AFG2A: variants seen among roughly 807,000 people sequenced by gnomAD.
AFG2A encodes the protein ATPase family gene 2 protein homolog A.
At chr4:123,236,055 G>T in the AFG2A span, among the ~76,000 whole-genome samples, 1 of 152,100 alleles carries the variant, frequency 6.6e-6, no homozygotes, top group African/African-American at 2.4e-5. Flanking sequence ...TTAGTACATA[G>T]ATACCTAGGA....
chr4:123,049,453 A>G, the AFG2A span, among the ~76,000 whole-genome samples: 1 of 152,300 alleles, frequency 6.6e-6, no homozygotes, highest in Non-Finnish European at 1.5e-5. Flanking sequence ...AATGTTTGGT[A>G]GAATTCAGCA....
chr4:122,929,160 G>A, the AFG2A span: 2 of 1,611,906 alleles, frequency 1.2e-6, no homozygotes, highest in South Asian at 2.2e-5. Context: ...TCTTGTGGGT[G>A]CTGTGCTACA....
At chr4:123,047,918 T>C in the AFG2A span, among the ~76,000 whole-genome samples, 1 of 152,082 alleles carries the variant, frequency 6.6e-6, no homozygotes, top group African/African-American at 2.4e-5. Context: ...TTGCGCAGGC[T>C]CAAACTTCTG....
At chr4:122,992,632 A>G in the AFG2A span, among the ~76,000 whole-genome samples, 1 of 152,226 alleles carries the variant, frequency 6.6e-6, no homozygotes, top group African/African-American at 2.4e-5. Context: ...TTTAGTGCAT[A>G]AAGTTAAAAT....
the AFG2A span, among the ~76,000 whole-genome samples, chr4:123,312,921 CAG>C: frequency 6.6e-6 from 1 of 152,190 alleles, no homozygotes; most frequent in Non-Finnish European, 1.5e-5. Context: ...AGTGAACAAA[CAG>C]AGAAAATACG....
chr4:123,202,710 T>C, the AFG2A span, among the ~76,000 whole-genome samples: 1 of 152,250 alleles, frequency 6.6e-6, no homozygotes, highest in Non-Finnish European at 1.5e-5. Context: ...TACAGATTCA[T>C]ATAATCACTA....
chr4:122,990,586 AT>A, the AFG2A span, among the ~76,000 whole-genome samples: 46 of 148,190 alleles, frequency 3.1e-4, no homozygotes, highest in East Asian at 9.8e-4. Flanking sequence ...TTTGTTTTCA[AT>A]TTTTTTTTTT....
the AFG2A span, among the ~76,000 whole-genome samples, chr4:123,213,508 A>G: frequency 1.3e-5 from 2 of 152,322 alleles, no homozygotes; most frequent in Non-Finnish European, 2.9e-5. Context: ...ACCTCTGAGC[A>G]TAGCACACAT....
chr4:123,153,562 A>G, the AFG2A span, among the ~76,000 whole-genome samples: 1 of 151,878 alleles, frequency 6.6e-6, no homozygotes, highest in Non-Finnish European at 1.5e-5. Flanking sequence ...CACTACAGAT[A>G]TTATGATAGT....
chr4:123,079,821 C>G, the AFG2A span, among the ~76,000 whole-genome samples: 1 of 134,358 alleles, frequency 7.4e-6, no homozygotes, highest in South Asian at 2.4e-4. Context: ...GAGGTCTCAG[C>G]TCACTGCAAC....
the AFG2A span, among the ~76,000 whole-genome samples, chr4:122,931,481 C>T: frequency 5.3e-5 from 8 of 152,066 alleles, no homozygotes; most frequent in African/African-American, 7.2e-5. Flanking sequence ...GCAACACACA[C>T]AATATATGTA....
chr4:123,196,167 ATTT>A, the AFG2A span, among the ~76,000 whole-genome samples: 10 of 79,678 alleles, frequency 1.3e-4, no homozygotes, highest in South Asian at 9.8e-4. Flanking sequence ...TGCCCAGCTA[ATTT>A]TTTTTTTTTT....
chr4:123,241,584 C>G, the AFG2A span, among the ~76,000 whole-genome samples: 3,131 of 152,210 alleles, frequency 0.021, 99 homozygotes, highest in African/African-American at 0.071. Context: ...ATTCAACAGC[C>G]GTTCATGCTA....
At chr4:123,263,323 C>T in the AFG2A span, among the ~76,000 whole-genome samples, 1 of 152,152 alleles carries the variant, frequency 6.6e-6, no homozygotes, top group African/African-American at 2.4e-5. Flanking sequence ...ATTTCAGCCC[C>T]TATTTGCCCC....
the AFG2A span, among the ~76,000 whole-genome samples, chr4:123,295,923 A>G: frequency 6.6e-6 from 1 of 152,260 alleles, no homozygotes; most frequent in Non-Finnish European, 1.5e-5. Flanking sequence ...AAACAAAAAA[A>G]AGATAAAGCA....
the AFG2A span, among the ~76,000 whole-genome samples, chr4:123,284,936 T>G: frequency 2.0e-5 from 3 of 152,188 alleles, no homozygotes; most frequent in African/African-American, 7.2e-5. Context: ...GAAATACTAT[T>G]TCATGTTTTA....
chr4:122,983,985 A>C, the AFG2A span, among the ~76,000 whole-genome samples: 1 of 152,126 alleles, frequency 6.6e-6, no homozygotes, highest in Non-Finnish European at 1.5e-5. Context: ...TCGAACAACA[A>C]CCTTCAGCCC....
At chr4:123,294,798 T>C in the AFG2A span, among the ~76,000 whole-genome samples, 1 of 152,166 alleles carries the variant, frequency 6.6e-6, no homozygotes, top group African/African-American at 2.4e-5. Context: ...ATTCATTCTT[T>C]GAGAGATTAT....
chr4:122,980,967 T>C, the AFG2A span, among the ~76,000 whole-genome samples: 1 of 152,186 alleles, frequency 6.6e-6, no homozygotes, highest in African/African-American at 2.4e-5. Context: ...GTCTCTTTAC[T>C]CTGTTTCCTT....
Sources: gnomAD v4.1 joint callset for allele counts (sites outside exome capture counted in the v4.1 genomes callset) on GRCh38, gnomAD v4.1.1 for gene constraint, MANE v1.5 for transcripts, NCBI Gene and HGNC (gene_info 2026-07-23, HGNC 2026-07-21) for gene names.